Variants in SORCS3 observed in about 807,000 individuals in gnomAD.
The protein encoded by SORCS3 is VPS10 domain-containing receptor SorCS3.
In SORCS3, 57 loss-of-function variants were observed where a neutral mutation model predicts 146.3. The ratio of observed to expected loss-of-function variants is 0.39; its 90% CI spans 0.31 to 0.49. The LOEUF (loss-of-function observed/expected upper bound fraction) is 0.49, where lower values mean the gene tolerates loss of function less well. Among genes scored for constraint, SORCS3 ranks in the 20% least tolerant of loss-of-function variants. The pLI is 0.92. For missense variants in SORCS3, 1,341 were observed against 1,575.5 expected, an observed-to-expected ratio of 0.85 and a Z score of 2.52; for synonymous variants, 653 against 618.5, an observed-to-expected ratio of 1.06 and a Z score of -0.83.
intron 2 of SORCS3, among the ~76,000 whole-genome samples, chr10:104,901,934 C>G (rs951041512): frequency 2.0e-5 from 3 of 152,172 alleles, no homozygotes; most frequent in African/African-American, 7.2e-5. Context: ...TCAGTGGTGA[C>G]AGATCTGCAT....
At chr10:104,957,211 A>C (rs1429725731) in intron 3 of SORCS3, among the ~76,000 whole-genome samples, 2 of 152,302 alleles carry the variant, frequency 1.3e-5, no homozygotes, top group Admixed American at 1.3e-4. Flanking sequence ...TCTTTAATAT[A>C]GACTGTCATT....
intron 1 of SORCS3, among the ~76,000 whole-genome samples, chr10:104,767,844 T>G (rs1268019333): frequency 7.1e-6 from 1 of 140,368 alleles, no homozygotes; most frequent in Non-Finnish European, 1.5e-5. Context: ...CCCTTCCTCC[T>G]ACTCTTGGTT....
chr10:104,771,777 G>A (rs1241036355), intron 1 of SORCS3, among the ~76,000 whole-genome samples: 1 of 151,666 alleles, frequency 6.6e-6, no homozygotes, highest in African/African-American at 2.4e-5. Flanking sequence ...ACTGGTGCTG[G>A]TTGACCCCTT....
chr10:105,033,974 A>G (rs535003865), intron 4 of SORCS3, among the ~76,000 whole-genome samples: 4 of 152,312 alleles, frequency 2.6e-5, no homozygotes, highest in African/African-American at 9.6e-5. Context: ...GTGTTCATTC[A>G]GCAAATAGTC....
At chr10:104,845,234 T>C (rs764627941) in intron 2 of SORCS3, among the ~76,000 whole-genome samples, 1 of 152,196 alleles carries the variant, frequency 6.6e-6, no homozygotes, top group Non-Finnish European at 1.5e-5. Context: ...TATCACCAGC[T>C]GGCATATGCT....
chr10:104,800,954 A>G (rs1334965029), intron 1 of SORCS3, among the ~76,000 whole-genome samples: 2 of 152,194 alleles, frequency 1.3e-5, no homozygotes, highest in African/African-American at 2.4e-5. Flanking sequence ...TGCTGCTTCT[A>G]TGAAGTGTTT....
At chr10:104,746,425 C>A (rs934593728) in intron 1 of SORCS3, among the ~76,000 whole-genome samples, 1 of 152,162 alleles carries the variant, frequency 6.6e-6, no homozygotes, top group Non-Finnish European at 1.5e-5. Flanking sequence ...CGTGAGCCAC[C>A]GCACCAGCGA....
intron 7 of SORCS3, among the ~76,000 whole-genome samples, chr10:105,126,527 G>T (rs890335392): frequency 6.6e-6 from 1 of 152,166 alleles, no homozygotes. Context: ...GGCAGTGGGA[G>T]TATAAGTCAC....
chr10:104,839,338 A>C (rs1229854030), intron 1 of SORCS3, among the ~76,000 whole-genome samples: 1 of 152,154 alleles, frequency 6.6e-6, no homozygotes, highest in Non-Finnish European at 1.5e-5. Context: ...CTGGGAGGCC[A>C]CCTGAAAGGG....
chr10:104,880,218 T>C (rs2133574830), intron 2 of SORCS3, among the ~76,000 whole-genome samples: 2 of 152,282 alleles, frequency 1.3e-5, no homozygotes, highest in Admixed American at 1.3e-4. Flanking sequence ...TAAAACGTAA[T>C]GAGAATTGTA....
chr10:105,004,213 A>G (rs1357880317), intron 4 of SORCS3, among the ~76,000 whole-genome samples: 4 of 152,116 alleles, frequency 2.6e-5, no homozygotes, highest in East Asian at 3.9e-4. Flanking sequence ...AGCAGGATGG[A>G]CAGAGAAGGG....
intron 14 of SORCS3, among the ~76,000 whole-genome samples, chr10:105,189,768 G>T (rs1005870502): frequency 6.6e-6 from 1 of 152,104 alleles, no homozygotes. Context: ...CATGTGAAAA[G>T]GTTGGTCAGA....
At chr10:104,707,408 C>T (rs2016348389) in intron 1 of SORCS3, among the ~76,000 whole-genome samples, 1 of 152,094 alleles carries the variant, frequency 6.6e-6, no homozygotes, top group Non-Finnish European at 1.5e-5. Flanking sequence ...AGCACAGGAA[C>T]CTGCTATGGG....
At chr10:104,696,004 T>TATATAATATATCATATACACATATA (rs1564660777) in intron 1 of SORCS3, among the ~76,000 whole-genome samples, 1,376 of 109,706 alleles carry the variant, frequency 0.013, 91 homozygotes, top group African/African-American at 0.021. Flanking sequence ...ACACATATAA[T>TATATAATATATCATATACACATATA]ATATATAATA....
intron 1 of SORCS3, among the ~76,000 whole-genome samples, chr10:104,718,556 G>A (rs1286712713): frequency 6.6e-6 from 1 of 152,174 alleles, no homozygotes; most frequent in African/African-American, 2.4e-5. Context: ...GGGTGCCTCT[G>A]AAGTACAATT....
At chr10:104,721,360 T>C (rs968538370) in intron 1 of SORCS3, among the ~76,000 whole-genome samples, 3 of 152,260 alleles carry the variant, frequency 2.0e-5, no homozygotes, top group African/African-American at 7.2e-5. Context: ...ACCAGTACCA[T>C]GCTGTTTTGG....
chr10:105,047,099 G>A (rs974702666), intron 5 of SORCS3, among the ~76,000 whole-genome samples: 4 of 152,004 alleles, frequency 2.6e-5, no homozygotes, highest in Non-Finnish European at 4.4e-5. Context: ...TCTTCCCTTG[G>A]GGGATATTTA....
At chr10:105,026,068 G>A (rs73338266) in intron 4 of SORCS3, among the ~76,000 whole-genome samples, 6,989 of 152,066 alleles carry the variant, frequency 0.046, 188 homozygotes, top group Middle Eastern at 0.075. Context: ...AAAATATCCC[G>A]GATGCGATCA....
At chr10:104,835,900 A>T (rs2018060394) in intron 1 of SORCS3, among the ~76,000 whole-genome samples, 1 of 152,232 alleles carries the variant, frequency 6.6e-6, no homozygotes, top group South Asian at 2.1e-4. Context: ...TTGAATCAGC[A>T]ACCCTGTGAG....
Sources: allele counts gnomAD v4.1 joint callset (sites outside exome capture counted in the v4.1 genomes callset), GRCh38; gene constraint gnomAD v4.1.1; transcripts MANE v1.5; gene names NCBI Gene and HGNC (gene_info 2026-07-23, HGNC 2026-07-21).